ZFHX3: variants seen among roughly 807,000 people sequenced by gnomAD.
ZFHX3 encodes the protein zinc finger homeobox 3.
A neutral mutation model predicts 279.1 loss-of-function variants in ZFHX3; 42 were observed. The observed-to-expected ratio is 0.15, with a 90% confidence interval of 0.12 to 0.19. The LOEUF (loss-of-function observed/expected upper bound fraction) is 0.19, where lower values mean the gene tolerates loss of function less well. Among genes scored for constraint, ZFHX3 ranks in the 10% least tolerant of loss-of-function variants. The probability of loss-of-function intolerance (pLI) is 1.00; values close to 1 mark genes in which losing one functional copy is unlikely to be tolerated. For synonymous variants in ZFHX3, 2,293 were observed against 1,957.8 expected (o/e 1.17, Z -4.52); for missense variants, 4,981 against 4,754.0 (o/e 1.05, Z -1.40).
intron 2 of ZFHX3, among the ~76,000 whole-genome samples, chr16:73,530,286 C>A (rs2143725573): frequency 6.6e-6 from 1 of 152,282 alleles, no homozygotes; most frequent in Non-Finnish European, 1.5e-5. Context: ...TTATCTCCCA[C>A]TGGGTCTGTC....
Position 73,207,102 on chromosome 16 carries a change from G to A in ZFHX3, c.-1104+49945C>T, listed in dbSNP as rs74028091. Among the ~76,000 whole-genome samples, 1,317 of 151,244 alleles carry A rather than the reference G, an allele frequency of 8.7e-3. 18 individuals carry two copies. Among genetic ancestry groups the A allele is most frequent in the African/African-American group, 0.031 (1,251 of 40,710 alleles). On this transcript the variant is annotated intron_variant, in intron 5 of 17. Coordinates refer to the ZFHX3 transcript ENST00000641206. ...ATAAAAAAAAGTACCTATTTATGCA[G>A]AATGGTAACAAGGGAATTGACTCAG...
chr16:73,152,525 T>G (rs968388984), intron 5 of ZFHX3, among the ~76,000 whole-genome samples: 1 of 151,970 alleles, frequency 6.6e-6, no homozygotes, highest in Non-Finnish European at 1.5e-5. Context: ...TAGATTTAAA[T>G]GATAACTAAA....
At chr16:73,584,102 C>T (rs1346571697) in intron 2 of ZFHX3, among the ~76,000 whole-genome samples, 3 of 152,050 alleles carry the variant, frequency 2.0e-5, no homozygotes, top group Non-Finnish European at 4.4e-5. Context: ...ATCTGAATAA[C>T]TCATGCAGAG....
intron 5 of ZFHX3, among the ~76,000 whole-genome samples, chr16:73,249,074 G>A (rs112534660): frequency 0.017 from 2,598 of 152,144 alleles, 67 homozygotes; most frequent in African/African-American, 0.053. Context: ...TCAATAATAC[G>A]CCTCCTTTCC....
chr16:73,105,171 C>G (rs1966279493), intron 7 of ZFHX3, among the ~76,000 whole-genome samples: 1 of 143,576 alleles, frequency 7.0e-6, no homozygotes, highest in Non-Finnish European at 1.5e-5. Flanking sequence ...TTTGGGAGGC[C>G]AAAGTGGGAG....
chr16:72,784,787 T>TA lies in ZFHX3; in HGVS notation c.*2376dup, dbSNP rs1055428838. 4.3e-4 allele frequency: 65 copies of TA among 152,180 alleles called. No individual in the cohort carries two copies. The highest frequency in any genetic ancestry group is 1.0e-3 in the South Asian group (5 of 4,804). 9.4% of individuals were successfully genotyped at this position (152,180 alleles called of 1,614,324 possible). On this transcript the variant is annotated 3_prime_UTR_variant, in exon 10 of 10. Transcript: ENST00000268489. ...GTATTCTTTCTTTAGTATTTCTACT[T>TA]AAAAAAAACAATTAAAAAAGGAATT... is the stretch of plus-strand genomic sequence containing the variant.
At chr16:73,619,628 T>C (rs1248411974) in intron 2 of ZFHX3, among the ~76,000 whole-genome samples, 1 of 152,070 alleles carries the variant, frequency 6.6e-6, no homozygotes, top group Non-Finnish European at 1.5e-5. Flanking sequence ...TTATGGTCCT[T>C]GGCTTCCTTA....
chr16:73,251,944 C>CCA lies in ZFHX3; in HGVS notation c.-1104+5101_-1104+5102dup, dbSNP rs141483054. On this transcript the variant is annotated intron_variant, in intron 5 of 17. Transcript: ENST00000641206. ...CACACCATGAACACACACATACACA[C>CCA]CACACACACGCACACACCATGCACA... 2.4e-3 allele frequency among the ~76,000 whole-genome samples: 257 copies of CCA among 106,768 alleles called. 12 individuals carry two copies. The highest frequency in any genetic ancestry group is 0.012 in the African/African-American group (240 of 19,406). 70.0% of individuals were successfully genotyped at this position (106,768 alleles called of 152,430 possible).
At chr16:73,823,159 TA>T (rs1300284945) in intron 1 of ZFHX3, among the ~76,000 whole-genome samples, 1 of 152,148 alleles carries the variant, frequency 6.6e-6, no homozygotes, top group Admixed American at 6.5e-5. Context: ...TTTCAGTATT[TA>T]TAATGAGGAA....
intron 4 of ZFHX3, chr16:73,257,217 A>G (rs574768896): frequency 6.6e-6 from 1 of 152,342 alleles, no homozygotes; most frequent in Non-Finnish European, 1.5e-5. Flanking sequence ...ACAACAGTAC[A>G]TGCTTTCCAC....
intron 2 of ZFHX3, among the ~76,000 whole-genome samples, chr16:73,636,242 T>G (rs1184586236): frequency 1.3e-5 from 2 of 152,144 alleles, no homozygotes; most frequent in Non-Finnish European, 1.5e-5. Flanking sequence ...CTAAACTCAT[T>G]ACAACAAACG....
intron 1 of ZFHX3, among the ~76,000 whole-genome samples, chr16:72,980,847 C>T (rs11640395): frequency 0.21 from 31,569 of 152,022 alleles, 3,366 homozygotes; most frequent in African/African-American, 0.23. Context: ...ATTTCAGCAA[C>T]GGACAAAAAA....
rs530583695 is a variant in ZFHX3 at position 73,106,643 on chromosome 16, C to A, written c.-896-13045G>T. On this transcript the variant is annotated intron_variant, in intron 7 of 17. Coordinates refer to the ZFHX3 transcript ENST00000641206. ...AATAACTAGAGAGGCTGTTGTAATT[C>A]TGTGCAAGTTGGAAAAAGCTGGGGG... 1.2e-4 allele frequency among the ~76,000 whole-genome samples: 19 copies of A among 152,290 alleles called. No homozygotes were observed. In the South Asian group the frequency reaches 3.9e-3, roughly 32 times the overall value.
Position 73,852,006 on chromosome 16 carries a change from A to G in ZFHX3, c.-1608+39645T>C, listed in dbSNP as rs1327670281. ...CTTACCGTGAAGAACTGTCTCATCTACCTCCTGAATGATTGCCCAAGGTTT... is the reference window on the plus strand; with the variant it reads ...CTTACCGTGAAGAACTGTCTCATCTGCCTCCTGAATGATTGCCCAAGGTTT... On this transcript the variant is annotated intron_variant, in intron 1 of 17. Coordinates refer to the ZFHX3 transcript ENST00000641206. Among the ~76,000 whole-genome samples, 3 of 152,172 alleles carry G rather than the reference A, an allele frequency of 2.0e-5. No homozygotes were observed. The South Asian group carries it at 6.2e-4, about 32-fold the overall frequency.
At chr16:73,684,978 C>T (rs536879479) in intron 1 of ZFHX3, among the ~76,000 whole-genome samples, 123 of 151,136 alleles carry the variant, frequency 8.1e-4, no homozygotes, top group South Asian at 4.8e-3. Context: ...GGATTACAGG[C>T]GTGAGCCACT....
rs1873429195 is a variant in ZFHX3 at position 72,930,843 on chromosome 16, T to C, written c.3216+19626A>G. Among the ~76,000 whole-genome samples the C allele has an allele frequency of 2.6e-5, 4 of 152,160 alleles. No individual in the cohort carries two copies. The South Asian group carries it at 8.3e-4, about 32-fold the overall frequency. ...GCAAAAGACTTGTATATGACAGTCA[T>C]AAAATGTAAAATGTGGTACAAGGTG... On this transcript the variant is annotated intron_variant, in intron 3 of 9. Transcript: ENST00000268489.
intron 2 of ZFHX3, among the ~76,000 whole-genome samples, chr16:73,541,983 G>A (rs921752849): frequency 6.6e-6 from 1 of 151,588 alleles, no homozygotes; most frequent in Non-Finnish European, 1.5e-5. Flanking sequence ...TGTATTTTTA[G>A]TAGAGACGGG....
intron 1 of ZFHX3, among the ~76,000 whole-genome samples, chr16:73,043,138 A>C (rs560962334): frequency 6.6e-6 from 1 of 152,288 alleles, no homozygotes; most frequent in Admixed American, 6.5e-5. Flanking sequence ...CAAATCTCAG[A>C]GGCAGCACAT....
intron 3 of ZFHX3, among the ~76,000 whole-genome samples, chr16:73,323,388 T>A (rs1473730024): frequency 1.3e-5 from 2 of 151,914 alleles, no homozygotes; most frequent in Non-Finnish European, 2.9e-5. Flanking sequence ...ACCAAGAAAG[T>A]ATGGGATTCC....
Sources: gnomAD v4.1 joint callset for allele counts (sites outside exome capture counted in the v4.1 genomes callset) on GRCh38, gnomAD v4.1.1 for gene constraint, MANE v1.5 for transcripts, NCBI Gene and HGNC (gene_info 2026-07-23, HGNC 2026-07-21) for gene names.